Variants in IL1RAPL2 observed in about 807,000 individuals in gnomAD.
IL1RAPL2 encodes the protein interleukin 1 receptor accessory protein like 2, also known as X-linked interleukin-1 receptor accessory protein-like 2.
Under a neutral mutation model 44.1 loss-of-function variants are expected in IL1RAPL2, and 3 were observed. The observed-to-expected ratio is 0.07, with a 90% CI of 0.03 to 0.18. The LOEUF is 0.18. Among genes scored for constraint, IL1RAPL2 ranks in the 10% least tolerant of loss-of-function variants. The pLI is 1.00. For synonymous variants in IL1RAPL2, 181 were observed against 178.8 expected, an observed-to-expected ratio of 1.01 and a Z score of -0.10; for missense variants, 391 against 496.4, an observed-to-expected ratio of 0.79 and a Z score of 2.02.
chrX:105,383,151 TAAA>T (rs1207646237), intron 5 of IL1RAPL2, among the ~76,000 whole-genome samples: 3 of 102,247 alleles, frequency 2.9e-5, no homozygotes, highest in Non-Finnish European at 2.0e-5. Context: ...AACGCAAAAA[TAAA>T]AAAAAAAACT....
At chrX:105,621,591 G>T (rs1472430936) in intron 6 of IL1RAPL2, among the ~76,000 whole-genome samples, 3 of 111,326 alleles carry the variant, frequency 2.7e-5, no homozygotes, top group Non-Finnish European at 5.7e-5. Flanking sequence ...GTTCTGAAAG[G>T]CTCAGTACAG....
At chrX:105,013,209 CAG>C (rs2031098134) in intron 2 of IL1RAPL2, among the ~76,000 whole-genome samples, 1 of 111,138 alleles carries the variant, frequency 9.0e-6, no homozygotes. Context: ...TGGCTTCCAT[CAG>C]AGTCTTGGAC....
At chrX:105,600,782 C>A (rs2037246243) in intron 6 of IL1RAPL2, among the ~76,000 whole-genome samples, 1 of 110,304 alleles carries the variant, frequency 9.1e-6, no homozygotes, top group Non-Finnish European at 1.9e-5. Flanking sequence ...AGTAGAATTG[C>A]TGGATTTTAT....
intron 5 of IL1RAPL2, among the ~76,000 whole-genome samples, chrX:105,441,854 G>A (rs1471966153): frequency 9.1e-6 from 1 of 110,208 alleles, no homozygotes; most frequent in Non-Finnish European, 1.9e-5. Flanking sequence ...TTTGGTATGA[G>A]TTTCTGTGGG....
In IL1RAPL2 at chrX:104,647,671, G is replaced by C. The variant is rs1930070036; in HGVS notation, c.-19-11224G>C. On this transcript the variant is annotated intron_variant, in intron 1 of 10. Transcript: ENST00000372582. ...GCACACGCTCATCATAGTCCTCTCT[G>C]ATGCTGGTGAAGATGCAAGGAAGCT... 3.1e-5 allele frequency: 17 copies of C among 546,883 alleles called. No homozygotes were observed. The South Asian group carries it at 3.9e-4, about 13-fold the overall frequency. The allele number at this position is 546,883 out of a possible 1,213,427, so 45.1% of individuals were successfully genotyped here. A position where few individuals can be genotyped will look rare whatever the true frequency, so the allele number is the denominator to read the frequency against.
At chrX:105,520,192 G>C (rs1163578960) in intron 6 of IL1RAPL2, among the ~76,000 whole-genome samples, 1 of 111,637 alleles carries the variant, frequency 9.0e-6, no homozygotes, top group Non-Finnish European at 1.9e-5. Context: ...CAAGAATTAA[G>C]TGTTGGGAAT....
intron 2 of IL1RAPL2, among the ~76,000 whole-genome samples, chrX:104,848,259 T>A (rs1922111527): frequency 9.2e-6 from 1 of 109,187 alleles, no homozygotes. Context: ...AATAAATTAA[T>A]CCTTTATAAA....
chrX:105,633,966 C>T (rs937304726), intron 6 of IL1RAPL2, among the ~76,000 whole-genome samples: 1 of 110,960 alleles, frequency 9.0e-6, no homozygotes. Context: ...AGATTTCACT[C>T]TAAGAATGCC....
chrX:105,236,795 C>T (rs149808356), intron 4 of IL1RAPL2, among the ~76,000 whole-genome samples: 1,379 of 111,511 alleles, frequency 0.012, 10 homozygotes, highest in Non-Finnish European at 0.017. Flanking sequence ...GATAGTCTGC[C>T]TTGCCTACTT....
At chrX:105,192,359 C>A (rs190260522) in intron 2 of IL1RAPL2, among the ~76,000 whole-genome samples, 180 of 111,734 alleles carry the variant, frequency 1.6e-3, no homozygotes, top group Non-Finnish European at 3.2e-3. Flanking sequence ...TCCCTCTTAA[C>A]GTCAGTGTTC....
At chrX:105,103,880 G>A (rs531914302) in intron 2 of IL1RAPL2, among the ~76,000 whole-genome samples, 1 of 111,951 alleles carries the variant, frequency 8.9e-6, no homozygotes, top group African/African-American at 3.2e-5. Flanking sequence ...GATAAAGGGT[G>A]TTCCTGGTCC....
intron 1 of IL1RAPL2, among the ~76,000 whole-genome samples, chrX:104,646,994 C>A (rs924301394): frequency 1.8e-5 from 2 of 111,505 alleles, no homozygotes; most frequent in South Asian, 7.6e-4. Context: ...TTTATCCACT[C>A]CCCTCCTAAG....
At chrX:105,714,566 A>G (rs2038241630) in intron 6 of IL1RAPL2, among the ~76,000 whole-genome samples, 1 of 112,028 alleles carries the variant, frequency 8.9e-6, no homozygotes, top group Admixed American at 9.5e-5. Flanking sequence ...ACCTGTTGGC[A>G]TTAGGTGAGG....
intron 1 of IL1RAPL2, among the ~76,000 whole-genome samples, chrX:104,570,573 T>A (rs1928127449): frequency 8.9e-6 from 1 of 111,755 alleles, no homozygotes; most frequent in Non-Finnish European, 1.9e-5. Context: ...ATGTAACACA[T>A]GGATACATCT....
At chrX:105,291,074 TG>T (rs1420525777) in intron 5 of IL1RAPL2, among the ~76,000 whole-genome samples, 1 of 111,520 alleles carries the variant, frequency 9.0e-6, no homozygotes, top group Non-Finnish European at 1.9e-5. Flanking sequence ...CATTTCAAAA[TG>T]TAATAAATTA....
chrX:104,748,896 G>T (rs1932215091), intron 2 of IL1RAPL2, among the ~76,000 whole-genome samples: 1 of 111,115 alleles, frequency 9.0e-6, no homozygotes, highest in Non-Finnish European at 1.9e-5. Flanking sequence ...TAATAGATTT[G>T]GGGAGATCAT....
At chrX:104,661,607 G>A (rs1394365092) in intron 2 of IL1RAPL2, among the ~76,000 whole-genome samples, 1 of 108,996 alleles carries the variant, frequency 9.2e-6, no homozygotes, top group Non-Finnish European at 1.9e-5. Context: ...CTATACCTCT[G>A]TTAATATTAT....
intron 2 of IL1RAPL2, among the ~76,000 whole-genome samples, chrX:104,742,363 A>G (rs1468368953): frequency 8.9e-6 from 1 of 111,788 alleles, no homozygotes. Context: ...AGAAAGGGCA[A>G]GGCTGGGACA....
At chrX:105,164,780 A>G (rs948108598) in intron 2 of IL1RAPL2, among the ~76,000 whole-genome samples, 2 of 111,312 alleles carry the variant, frequency 1.8e-5, no homozygotes, top group Admixed American at 9.6e-5. Flanking sequence ...GATTATATAC[A>G]CTCTCTGCCT....
Sources: gnomAD v4.1 joint callset for allele counts (sites outside exome capture counted in the v4.1 genomes callset) on GRCh38, gnomAD v4.1.1 for gene constraint, MANE v1.5 for transcripts, NCBI Gene and HGNC (gene_info 2026-07-23, HGNC 2026-07-21) for gene names.